Variants in AGBL1 observed in about 807,000 individuals in gnomAD.
AGBL1 encodes the protein AGBL carboxypeptidase 1, also known as cytosolic carboxypeptidase 4.
AGBL1 carries 130 observed loss-of-function variants against 118.9 expected under a neutral mutation model. That is an observed-to-expected ratio of 1.09 (90% CI 0.95 to 1.26). The LOEUF is 1.26. Ranked by LOEUF, AGBL1 falls within the 50% of genes most tolerant of loss-of-function variation. AGBL1 has a pLI of 0.00. For missense variants in AGBL1, 1,584 were observed against 1,298.1 expected (o/e 1.22, Z -3.38); for synonymous variants, 555 against 478.9 (o/e 1.16, Z -2.08).
In AGBL1 at chr15:86,495,806, T is replaced by A. The variant is rs150040568; in HGVS notation, c.2556-27004T>A. 1.4e-4 allele frequency among the ~76,000 whole-genome samples: 22 copies of A among 152,132 alleles called. No homozygotes were observed. In the Middle Eastern group the frequency reaches 0.01, roughly 71 times the overall value. On this transcript the variant is annotated intron_variant, in intron 18 of 22. Transcript: ENST00000614907. ...ATATAATTTTTTAAGATCAAGGTTTTTTGATGTATTATGTAGATTTTTTTA... is the reference window on the plus strand; with the variant it reads ...ATATAATTTTTTAAGATCAAGGTTTATTGATGTATTATGTAGATTTTTTTA...
At chr15:86,382,444 A>G (rs1319700467) in intron 17 of AGBL1, among the ~76,000 whole-genome samples, 1 of 152,066 alleles carries the variant, frequency 6.6e-6, no homozygotes, top group Non-Finnish European at 1.5e-5. Flanking sequence ...GATTCCACAC[A>G]TCCTAGGAGT....
intron 1 of AGBL1, among the ~76,000 whole-genome samples, chr15:86,098,529 A>G (rs1469674397): frequency 6.6e-6 from 1 of 152,120 alleles, no homozygotes; most frequent in African/African-American, 2.4e-5. Context: ...TCTCCTACAC[A>G]TGAATTTTCA....
chr15:86,815,644 C>T (rs879833378), intron 22 of AGBL1, among the ~76,000 whole-genome samples: 25 of 152,054 alleles, frequency 1.6e-4, no homozygotes, highest in Admixed American at 3.9e-4. Context: ...ATAAGTAGTA[C>T]GGTTCTGGGT....
rs552726274 is a variant in AGBL1 at position 86,759,530 on chromosome 15, C to T, written c.3158+85094C>T. Reference sequence around the variant, plus strand: ...TATAATTAAGAGATTAATACATTATCAAGTTATTTAAGAATTAATCAATGT... The same window carrying T: ...TATAATTAAGAGATTAATACATTATTAAGTTATTTAAGAATTAATCAATGT... On this transcript the variant is annotated intron_variant, in intron 22 of 22. Coordinates refer to ENST00000614907, the MANE Select transcript of AGBL1 (RefSeq NM_001386094.1). 2.1e-3 allele frequency among the ~76,000 whole-genome samples: 326 copies of T among 152,220 alleles called. 1 individual carries two copies. The highest frequency in any genetic ancestry group is 4.1e-3 in the Admixed American group (62 of 15,278).
At chr15:86,855,342 C>G (rs1327779353) in intron 22 of AGBL1, among the ~76,000 whole-genome samples, 1 of 152,152 alleles carries the variant, frequency 6.6e-6, no homozygotes, top group Admixed American at 6.5e-5. Context: ...CAAGGAGAGC[C>G]AGAGCACCAT....
intron 1 of AGBL1, among the ~76,000 whole-genome samples, chr15:86,112,568 G>A (rs550483598): frequency 1.3e-5 from 2 of 152,162 alleles, no homozygotes; most frequent in African/African-American, 2.4e-5. Flanking sequence ...GAGGATCTTC[G>A]CAAATAAGAT....
At chr15:86,342,856 A>G (rs2080482159) in intron 17 of AGBL1, among the ~76,000 whole-genome samples, 1 of 152,256 alleles carries the variant, frequency 6.6e-6, no homozygotes, top group Non-Finnish European at 1.5e-5. Context: ...AGTATAGTAG[A>G]GAAGGAAGAA....
chr15:86,574,455 C>A (rs2031523230), intron 21 of AGBL1, among the ~76,000 whole-genome samples: 1 of 151,712 alleles, frequency 6.6e-6, no homozygotes, highest in Non-Finnish European at 1.5e-5. Flanking sequence ...AAGGGCCCAA[C>A]AAGAACTGGT....
chr15:86,487,911 T>G (rs1479346812), intron 18 of AGBL1, among the ~76,000 whole-genome samples: 2 of 152,210 alleles, frequency 1.3e-5, no homozygotes, highest in African/African-American at 4.8e-5. Context: ...CATGCCTGTT[T>G]TATATCGGGG....
chr15:86,312,020 T>A (rs1310317942), intron 17 of AGBL1: 17 of 152,202 alleles, frequency 1.1e-4, no homozygotes, highest in Non-Finnish European at 1.9e-4. Context: ...ATCCTAGCTA[T>A]TTTTTCACAA....
At chr15:86,103,000 C>A (rs2141506172) in intron 1 of AGBL1, among the ~76,000 whole-genome samples, 1 of 152,096 alleles carries the variant, frequency 6.6e-6, no homozygotes, top group East Asian at 1.9e-4. Context: ...AGGGTTTGTT[C>A]ATTCTTTTTT....
intron 22 of AGBL1, among the ~76,000 whole-genome samples, chr15:86,727,087 T>A (rs1265155623): frequency 6.6e-6 from 1 of 152,102 alleles, no homozygotes; most frequent in Non-Finnish European, 1.5e-5. Context: ...GAAAAGAAAG[T>A]GTCAGGCAGT....
chr15:86,474,984 CA>C (rs1482145832), intron 18 of AGBL1, among the ~76,000 whole-genome samples: 2 of 152,210 alleles, frequency 1.3e-5, no homozygotes, highest in South Asian at 2.1e-4. Flanking sequence ...GGACCTCCGG[CA>C]AACTCCAACA....
At chr15:86,476,337 T>C (rs2082558698) in intron 18 of AGBL1, among the ~76,000 whole-genome samples, 1 of 152,020 alleles carries the variant, frequency 6.6e-6, no homozygotes, top group Non-Finnish European at 1.5e-5. Context: ...AGGAGACCCA[T>C]CTCAAGTGCA....
At chr15:86,633,878 GTATATA>G (rs142817512) in intron 21 of AGBL1, among the ~76,000 whole-genome samples, 11 of 99,026 alleles carry the variant, frequency 1.1e-4, no homozygotes, top group Admixed American at 8.3e-4. Flanking sequence ...TATATATAAT[GTATATA>G]TATATATATA....
chr15:86,093,313 C>T (rs531422585), intron 1 of AGBL1, among the ~76,000 whole-genome samples: 1 of 152,146 alleles, frequency 6.6e-6, no homozygotes, highest in South Asian at 2.1e-4. Flanking sequence ...TTAAAAACAT[C>T]ATTGGTGGAA....
intron 22 of AGBL1, among the ~76,000 whole-genome samples, chr15:86,829,760 C>G (rs1020218558): frequency 1.3e-5 from 2 of 152,150 alleles, no homozygotes; most frequent in Non-Finnish European, 2.9e-5. Flanking sequence ...CCAAAGCATA[C>G]AGTTATTTTA....
intron 18 of AGBL1, among the ~76,000 whole-genome samples, chr15:86,429,648 A>G (rs1048907353): frequency 6.6e-6 from 1 of 152,218 alleles, no homozygotes; most frequent in Non-Finnish European, 1.5e-5. Flanking sequence ...CTATAATTTC[A>G]TGCTCTGTTC....
downstream of AGBL1, among the ~76,000 whole-genome samples, chr15:87,029,568 T>A (rs1457679179): frequency 6.6e-6 from 1 of 151,998 alleles, no homozygotes; most frequent in African/African-American, 2.4e-5. Context: ...GTATAATTTC[T>A]TATTTTGTCC....
Sources: gnomAD v4.1 joint callset for allele counts (sites outside exome capture counted in the v4.1 genomes callset) on GRCh38, gnomAD v4.1.1 for gene constraint, MANE v1.5 for transcripts, NCBI Gene and HGNC (gene_info 2026-07-23, HGNC 2026-07-21) for gene names.